The following BMP6 variants were observed in gnomAD, a reference collection of about 807,000 sequenced individuals.
BMP6 encodes the protein bone morphogenetic protein 6.
BMP6 carries 17 observed loss-of-function variants against 54.1 expected under a neutral mutation model. That is an observed-to-expected ratio of 0.31 (90% CI 0.22 to 0.47). BMP6 has a LOEUF of 0.47. Among genes scored for constraint, BMP6 ranks in the 20% least tolerant of loss-of-function variants. The pLI is 1.00. For missense variants in BMP6, 720 were observed against 690.4 expected (o/e 1.04, Z -0.48); for synonymous variants, 328 against 291.2 (o/e 1.13, Z -1.28).
At chr6:7,769,536 TTTTG>T (rs906135305) in intron 1 of BMP6, among the ~76,000 whole-genome samples, 8 of 152,208 alleles carry the variant, frequency 5.3e-5, no homozygotes, top group African/African-American at 1.2e-4. Flanking sequence ...TCTGCAGTGT[TTTTG>T]TTTTTCAGCA....
At chr6:7,767,035 G>A (rs1581238691) in intron 1 of BMP6, among the ~76,000 whole-genome samples, 1 of 148,342 alleles carries the variant, frequency 6.7e-6, no homozygotes, top group Admixed American at 6.7e-5. Context: ...CACCCAGGCT[G>A]GGGTGCAGTG....
intron 1 of BMP6, among the ~76,000 whole-genome samples, chr6:7,785,733 G>GA (rs1473302545): frequency 6.6e-6 from 1 of 152,122 alleles, no homozygotes; most frequent in Admixed American, 6.5e-5. Flanking sequence ...GGACATGGCT[G>GA]AAAAAACACT....
At chr6:7,878,951 T>G in intron 4 of BMP6, 123 bp from the exon 5 acceptor site, 1 of 925,614 alleles carries the variant, frequency 1.1e-6, no homozygotes, top group South Asian at 1.5e-5. Context: ...TGACCATACT[T>G]GTATCTAGGA....
At chr6:7,744,393 T>G (rs1429200202) in intron 1 of BMP6, among the ~76,000 whole-genome samples, 2 of 152,066 alleles carry the variant, frequency 1.3e-5, no homozygotes, top group African/African-American at 4.8e-5. Flanking sequence ...GGAGAATCAC[T>G]TGAACCCAGG....
At chr6:7,870,193 C>T (rs1269964443) in intron 4 of BMP6, among the ~76,000 whole-genome samples, 1 of 152,192 alleles carries the variant, frequency 6.6e-6, no homozygotes, top group Non-Finnish European at 1.5e-5. Flanking sequence ...ACACCTGGGG[C>T]TTGGGAGAGG....
chr6:7,732,957 C>T (rs148804724), intron 1 of BMP6, among the ~76,000 whole-genome samples: 49 of 151,134 alleles, frequency 3.2e-4, no homozygotes, highest in East Asian at 1.9e-3. Context: ...AGTGCAGTGG[C>T]GAGATCTCGG....
chr6:7,743,981 C>T (rs945148553), intron 1 of BMP6, among the ~76,000 whole-genome samples: 5 of 152,146 alleles, frequency 3.3e-5, no homozygotes, highest in Admixed American at 3.3e-4. Flanking sequence ...AGTTGTGATG[C>T]ATCTTTTAAC....
chr6:7,846,305 G>T lies in BMP6; in HGVS notation c.857+973G>T, dbSNP rs527625970. 2.6e-5 allele frequency among the ~76,000 whole-genome samples: 4 copies of T among 152,274 alleles called. No homozygotes were observed. The East Asian group carries it at 5.8e-4, about 22-fold the overall frequency. ...AACCAAGTCCAGGTTCCCACTTTTG[G>T]TCTTGTGAGTCTATTGATTTCCCAA... is the stretch of plus-strand genomic sequence containing the variant. On this transcript the variant is annotated intron_variant, in intron 2 of 6. Transcript: ENST00000283147.
chr6:7,792,707 CAG>C (rs1390337153), intron 1 of BMP6, among the ~76,000 whole-genome samples: 1 of 152,224 alleles, frequency 6.6e-6, no homozygotes, highest in Non-Finnish European at 1.5e-5. Flanking sequence ...GAGCCAGTAA[CAG>C]AGGATGCTTG....
Position 7,762,737 on chromosome 6 carries a change from C to T in BMP6, c.664+35118C>T, listed in dbSNP as rs530484452. 9.2e-5 allele frequency among the ~76,000 whole-genome samples: 14 copies of T among 152,304 alleles called. No individual in the cohort carries two copies. In the East Asian group the frequency reaches 1.5e-3, roughly 17 times the overall value. The stretch of plus-strand genomic sequence containing the variant: ...ATGTGCATGTCTGAGTGTGTGTCCA[C>T]GCATTTTAAGTGTTTTTCCAGTGCC... On this transcript the variant is annotated intron_variant, in intron 1 of 6. Coordinates refer to ENST00000283147, the MANE Select transcript of BMP6 (RefSeq NM_001718.6).
chr6:7,787,359 G>T (rs911229425), intron 1 of BMP6, among the ~76,000 whole-genome samples: 1 of 152,208 alleles, frequency 6.6e-6, no homozygotes, highest in Non-Finnish European at 1.5e-5. Context: ...TAGGGATGAG[G>T]TGCTGCAAAG....
intron 2 of BMP6, among the ~76,000 whole-genome samples, chr6:7,856,614 T>TTTTTTTA (rs1491363620): frequency 2.1e-5 from 2 of 95,134 alleles, no homozygotes; most frequent in African/African-American, 7.8e-5. Flanking sequence ...TTTTTTTTTT[T>TTTTTTTA]GAGACGGAGT....
At chr6:7,803,235 C>T (rs924107820) in intron 1 of BMP6, among the ~76,000 whole-genome samples, 5 of 152,032 alleles carry the variant, frequency 3.3e-5, no homozygotes, top group African/African-American at 7.2e-5. Flanking sequence ...CTAGAGCATC[C>T]GTGGTCAAGA....
intron 1 of BMP6, among the ~76,000 whole-genome samples, chr6:7,737,194 A>C (rs114894674): frequency 0.014 from 2,139 of 152,154 alleles, 35 homozygotes; most frequent in African/African-American, 0.038. Flanking sequence ...TCAAAAAAAA[A>C]AAAGAGCTTG....
intron 2 of BMP6, among the ~76,000 whole-genome samples, chr6:7,857,244 T>C (rs1240590756): frequency 5.9e-5 from 9 of 152,254 alleles, no homozygotes; most frequent in Non-Finnish European, 1.3e-4. Flanking sequence ...GGTGAATTTT[T>C]GAAATTTTCC....
At chr6:7,871,883 C>G (rs759068420) in intron 4 of BMP6, among the ~76,000 whole-genome samples, 3 of 152,094 alleles carry the variant, frequency 2.0e-5, no homozygotes, top group Non-Finnish European at 4.4e-5. Flanking sequence ...CTCAGTGGCT[C>G]TGACTCATGG....
intron 1 of BMP6, among the ~76,000 whole-genome samples, chr6:7,759,510 GT>G (rs1417306965): frequency 6.6e-6 from 1 of 151,972 alleles, no homozygotes; most frequent in Non-Finnish European, 1.5e-5. Flanking sequence ...CCAGACCCTA[GT>G]TTTGCCTCAT....
rs1334695355 is a variant in BMP6 at position 7,881,295 on chromosome 6, G to A, written c.*952G>A. On this transcript the variant is annotated 3_prime_UTR_variant, in exon 7 of 7. Coordinates refer to ENST00000283147, the MANE Select transcript of BMP6 (RefSeq NM_001718.6). ...CATGCTGTTTATGAACGGAAATCAT[G>A]ATTTCCCTTGTAGAAAGTGAGGCTC... The A allele has an allele frequency of 6.6e-6, 1 of 152,594 alleles. No individual in the cohort carries two copies. Among genetic ancestry groups the A allele is most frequent in the Non-Finnish European group, 1.5e-5 (1 of 68,030 alleles). The allele number at this position is 152,594 out of a possible 1,614,324, so 9.5% of individuals were successfully genotyped here.
At chr6:7,879,571 T>C (rs745430) in intron 5 of BMP6, among the ~76,000 whole-genome samples, 5 of 152,094 alleles carry the variant, frequency 3.3e-5, no homozygotes, top group African/African-American at 1.2e-4. Flanking sequence ...GAGCACACGT[T>C]TGCCTCGTAC....
Sources: gnomAD v4.1 joint callset for allele counts (sites outside exome capture counted in the v4.1 genomes callset) on GRCh38, gnomAD v4.1.1 for gene constraint, MANE v1.5 for transcripts, NCBI Gene and HGNC (gene_info 2026-07-23, HGNC 2026-07-21) for gene names.